VAMP4: variants seen among roughly 807,000 people sequenced by gnomAD.
VAMP4 encodes vesicle-associated membrane protein 4.
VAMP4 carries 19 observed loss-of-function variants against 23.5 expected under a neutral mutation model. The ratio of observed to expected loss-of-function variants is 0.81; its 90% CI spans 0.56 to 1.19. The LOEUF is 1.19. Ranked by LOEUF, VAMP4 falls within the 50% of genes most tolerant of loss-of-function variation. The pLI is 0.00. For missense variants in VAMP4, 145 were observed against 168.6 expected (o/e 0.86, Z 0.78); for synonymous variants, 31 against 51.0 (o/e 0.61, Z 1.67).
At chr1:171,728,123 A>C (rs931810662) in intron 3 of VAMP4, among the ~76,000 whole-genome samples, 3 of 152,230 alleles carry the variant, frequency 2.0e-5, no homozygotes, top group African/African-American at 7.2e-5. Flanking sequence ...TAAACAATTC[A>C]TAAGTTTTAA....
At position 171,703,421 on chromosome 1, in the gene VAMP4, GTGTGTATATATATATA is replaced by G. The variant is rs1490288726; in HGVS notation, c.*1069_*1084del. On this transcript the variant is annotated 3_prime_UTR_variant, in exon 8 of 8. Coordinates refer to ENST00000236192, the MANE Select transcript of VAMP4 (RefSeq NM_003762.5). ...TGTGTGTGTGTGTGTGTGTGTGTTT[GTGTGTATATATATATA>G]TATATATATATATATATATATATAT... The G allele has an allele frequency of 1.1e-5, 1 of 87,544 alleles. No individual in the cohort carries two copies. Among genetic ancestry groups the G allele is most frequent in the Non-Finnish European group, 2.3e-5 (1 of 43,760 alleles). 5.4% of individuals were successfully genotyped at this position (87,544 alleles called of 1,614,324 possible). A position where few individuals can be genotyped will look rare whatever the true frequency, so the allele number is the denominator to read the frequency against.
intron 4 of VAMP4, among the ~76,000 whole-genome samples, chr1:171,714,759 G>A (rs961922999): frequency 1.6e-4 from 25 of 152,238 alleles, no homozygotes; most frequent in African/African-American, 6.0e-4. Context: ...ACAAGAGTGA[G>A]AACCTGTGTC....
chr1:171,728,830 G>A (rs1466561476), intron 2 of VAMP4, among the ~76,000 whole-genome samples: 1 of 152,196 alleles, frequency 6.6e-6, no homozygotes, highest in Non-Finnish European at 1.5e-5. Context: ...GCTGGTATGG[G>A]AGTGAGGAAC....
At chr1:171,716,461 A>G (rs960673427) in intron 4 of VAMP4, among the ~76,000 whole-genome samples, 1 of 152,220 alleles carries the variant, frequency 6.6e-6, no homozygotes, top group Non-Finnish European at 1.5e-5. Context: ...AAACAAAACA[A>G]AATTTAAAAA....
At chr1:171,738,541 C>A in intron 1 of VAMP4, 78 bp from the exon 2 acceptor site, 1 of 872,428 alleles carries the variant, frequency 1.1e-6, no homozygotes, top group Non-Finnish European at 1.8e-6. Context: ...GTACATGAAA[C>A]CCTGTATGAC....
intron 1 of VAMP4, among the ~76,000 whole-genome samples, chr1:171,739,377 G>C (rs1655848955): frequency 6.6e-6 from 1 of 152,224 alleles, no homozygotes; most frequent in African/African-American, 2.4e-5. Flanking sequence ...CACCTGGAGA[G>C]GGCACAGAAG....
At chr1:171,713,992 A>G (rs1034578940) in intron 4 of VAMP4, among the ~76,000 whole-genome samples, 3 of 152,180 alleles carry the variant, frequency 2.0e-5, no homozygotes, top group African/African-American at 7.2e-5. Flanking sequence ...TGATAATGGA[A>G]ACCGCAAATA....
At chr1:171,708,337 C>CAAAT (rs1654730575) in intron 6 of VAMP4, among the ~76,000 whole-genome samples, 1 of 87,456 alleles carries the variant, frequency 1.1e-5, no homozygotes, top group East Asian at 2.9e-4. Flanking sequence ...AAGAGTGCCA[C>CAAAT]AAAAAAAAAA....
intron 3 of VAMP4, among the ~76,000 whole-genome samples, chr1:171,722,201 T>A (rs1228480329): frequency 6.6e-6 from 1 of 152,104 alleles, no homozygotes; most frequent in Non-Finnish European, 1.5e-5. Context: ...TGGCTAGCCA[T>A]ATGTAGAAAG....
intron 4 of VAMP4, among the ~76,000 whole-genome samples, chr1:171,718,682 T>C (rs1382204612): frequency 1.3e-5 from 2 of 152,176 alleles, no homozygotes; most frequent in Non-Finnish European, 2.9e-5. Context: ...AAAGCTATTA[T>C]ATTACCTTTG....
intron 3 of VAMP4, 52 bp from the exon 4 acceptor site, chr1:171,719,273 A>C: frequency 6.8e-7 from 1 of 1,465,062 alleles, no homozygotes; most frequent in Non-Finnish European, 9.4e-7. Flanking sequence ...GATTAAAACA[A>C]AACAAAAAAA....
intron 2 of VAMP4, among the ~76,000 whole-genome samples, chr1:171,737,271 A>G (rs1349360423): frequency 1.3e-5 from 2 of 152,208 alleles, no homozygotes; most frequent in Non-Finnish European, 2.9e-5. Flanking sequence ...TCAAGACAAG[A>G]AGGAAAGGAA....
At chr1:171,712,522 C>G (rs1343646178) in intron 4 of VAMP4, among the ~76,000 whole-genome samples, 1 of 152,168 alleles carries the variant, frequency 6.6e-6, no homozygotes, top group Non-Finnish European at 1.5e-5. Flanking sequence ...TGTACACCCA[C>G]TGATTACCCA....
intron 1 of VAMP4, 48 bp from the exon 2 acceptor site, chr1:171,738,511 G>T: frequency 8.1e-7 from 1 of 1,233,368 alleles, no homozygotes; most frequent in Non-Finnish European, 1.2e-6. Context: ...TGGGGCATAA[G>T]CTAATGTACT....
At chr1:171,707,526 C>A (rs1443679210) in intron 6 of VAMP4, among the ~76,000 whole-genome samples, 6 of 152,064 alleles carry the variant, frequency 3.9e-5, no homozygotes, top group Admixed American at 3.9e-4. Flanking sequence ...TCTGAAATTA[C>A]CATTATGGAA....
chr1:171,733,948 T>C (rs1162294646), intron 2 of VAMP4, among the ~76,000 whole-genome samples: 1 of 152,090 alleles, frequency 6.6e-6, no homozygotes, highest in Admixed American at 6.6e-5. Flanking sequence ...AACTGATAAA[T>C]GGGCAAACCA....
intron 4 of VAMP4, among the ~76,000 whole-genome samples, chr1:171,713,456 C>T (rs937356908): frequency 2.0e-5 from 3 of 151,926 alleles, no homozygotes; most frequent in Admixed American, 6.6e-5. Context: ...CGAGATCGGG[C>T]GCATTCAGGG....
At chr1:171,715,977 G>C (rs1160620842) in intron 4 of VAMP4, among the ~76,000 whole-genome samples, 1 of 152,110 alleles carries the variant, frequency 6.6e-6, no homozygotes, top group Non-Finnish European at 1.5e-5. Flanking sequence ...CTCTAGCCTG[G>C]GTGATGGAGC....
chr1:171,711,923 A>G (rs1654860020), intron 4 of VAMP4, among the ~76,000 whole-genome samples: 1 of 152,148 alleles, frequency 6.6e-6, no homozygotes, highest in Non-Finnish European at 1.5e-5. Context: ...ATATGTTTAG[A>G]CATACAGATA....
Sources: gnomAD v4.1 joint callset for allele counts (sites outside exome capture counted in the v4.1 genomes callset) on GRCh38, gnomAD v4.1.1 for gene constraint, MANE v1.5 for transcripts, NCBI Gene and HGNC (gene_info 2026-07-23, HGNC 2026-07-21) for gene names.